The following GPC6 variants were observed in gnomAD, a reference collection of about 807,000 sequenced individuals.
The protein encoded by GPC6 is glypican 6.
Under a neutral mutation model 55.2 loss-of-function variants are expected in GPC6, and 14 were observed. The observed-to-expected ratio is 0.25, with a 90% CI of 0.17 to 0.40. The LOEUF (loss-of-function observed/expected upper bound fraction) is 0.40. GPC6 is among the 10% of genes least tolerant of loss of function. The pLI, the probability that GPC6 is intolerant of heterozygous loss-of-function variation, is 1.00. For missense variants in GPC6, 641 were observed against 708.5 expected (o/e 0.90, Z 1.08); for synonymous variants, 278 against 259.6 (o/e 1.07, Z -0.68).
chr13:94,134,235 T>C (rs1416903170), intron 4 of GPC6, among the ~76,000 whole-genome samples: 1 of 152,212 alleles, frequency 6.6e-6, no homozygotes, highest in East Asian at 1.9e-4. Flanking sequence ...AGAGCCTTAA[T>C]GATTGGGCAT....
At chr13:93,902,455 T>C (rs1876412728) in intron 3 of GPC6, among the ~76,000 whole-genome samples, 1 of 152,164 alleles carries the variant, frequency 6.6e-6, no homozygotes, top group Admixed American at 6.5e-5. Flanking sequence ...CATTCATCCA[T>C]TGGTGGACAG....
chr13:93,278,861 G>C (rs1877851495), intron 1 of GPC6, among the ~76,000 whole-genome samples: 1 of 152,054 alleles, frequency 6.6e-6, no homozygotes, highest in Non-Finnish European at 1.5e-5. Context: ...AACAAAAAAT[G>C]GGTAACTATG....
chr13:93,236,246 C>T (rs774222691), intron 1 of GPC6, among the ~76,000 whole-genome samples: 1 of 152,102 alleles, frequency 6.6e-6, no homozygotes, highest in South Asian at 2.1e-4. Flanking sequence ...TTTTAAATTT[C>T]AATAGCTTTA....
Position 94,133,432 on chromosome 13 carries a change from C to A in GPC6, c.877+105538C>A, listed in dbSNP as rs533065055. ...ACTTCCCACTTAAAAAATAAAAAAT[C>A]AAATTAAAAAATCAGAACAAACAGG... On this transcript the variant is annotated intron_variant, in intron 4 of 8. Transcript: ENST00000377047. Among the ~76,000 whole-genome samples, 4 of 151,972 alleles carry A rather than the reference C, an allele frequency of 2.6e-5. No individual in the cohort carries two copies. The East Asian group carries it at 7.7e-4, about 29-fold the overall frequency.
Position 93,740,243 on chromosome 13 carries a change from A to G in GPC6, c.320-89911A>G, listed in dbSNP as rs539070552. 5.8e-3 allele frequency among the ~76,000 whole-genome samples: 661 copies of G among 113,942 alleles called. 5 individuals are homozygous for G. The highest frequency in any genetic ancestry group is 8.3e-3 in the Non-Finnish European group (520 of 62,742). 74.8% of individuals were successfully genotyped at this position (113,942 alleles called of 152,430 possible). A position where few individuals can be genotyped will look rare whatever the true frequency, so the allele number is the denominator to read the frequency against. On this transcript the variant is annotated intron_variant, in intron 2 of 8. Coordinates refer to ENST00000377047, the MANE Select transcript of GPC6 (RefSeq NM_005708.5). ...TATTAATAATTTATTGTTGATATAC[A>G]TTTTGTTGAAAGTGTACTAAAGAAG...
chr13:93,383,420 T>C (rs772406643), intron 1 of GPC6, among the ~76,000 whole-genome samples: 20 of 152,138 alleles, frequency 1.3e-4, no homozygotes, highest in Admixed American at 3.9e-4. Flanking sequence ...TCTCGCCATG[T>C]TGCTAAGGCT....
chr13:94,357,359 CAG>C (rs566030271), intron 6 of GPC6, among the ~76,000 whole-genome samples: 33 of 152,282 alleles, frequency 2.2e-4, no homozygotes, highest in Admixed American at 1.4e-3. Context: ...CTCAGAGAGA[CAG>C]AGAGACCCCT....
rs551605708 is a variant in GPC6 at position 93,565,709 on chromosome 13, G to A, written c.319+20288G>A. Among the ~76,000 whole-genome samples, 310 of 152,148 alleles carry A rather than the reference G, an allele frequency of 2.0e-3. 2 individuals carry two copies. Among genetic ancestry groups the A allele is most frequent in the African/African-American group, 7.3e-3 (302 of 41,488 alleles). The stretch of plus-strand genomic sequence containing the variant: ...GAGGCTAAAGCAGGTGGATCACGAG[G>A]TCAAGAGTTCAAGACAAGCCTGACC... On this transcript the variant is annotated intron_variant, in intron 2 of 8. Coordinates refer to ENST00000377047, the MANE Select transcript of GPC6 (RefSeq NM_005708.5).
chr13:94,374,454 A>G (rs1879740400), intron 6 of GPC6, among the ~76,000 whole-genome samples: 1 of 147,726 alleles, frequency 6.8e-6, no homozygotes, highest in Non-Finnish European at 1.5e-5. Flanking sequence ...AACAAAGATC[A>G]AAAGAGACAA....
intron 1 of GPC6, among the ~76,000 whole-genome samples, chr13:93,272,437 T>G (rs557529659): frequency 6.7e-6 from 1 of 150,174 alleles, no homozygotes; most frequent in Admixed American, 6.6e-5. Context: ...GTGAAAAATT[T>G]TAAGCACTGA....
intron 3 of GPC6, among the ~76,000 whole-genome samples, chr13:93,885,586 C>G (rs1352193518): frequency 2.6e-5 from 4 of 152,046 alleles, no homozygotes; most frequent in African/African-American, 9.7e-5. Context: ...GTTTGCCTAT[C>G]TTGCGACAGA....
chr13:93,223,757 AAAAT>A (rs1875682652), upstream of GPC6, among the ~76,000 whole-genome samples: 1 of 151,892 alleles, frequency 6.6e-6, no homozygotes, highest in Admixed American at 6.6e-5. Context: ...ACACAATCTT[AAAAT>A]AAATATTTAG....
At chr13:93,438,360 G>A (rs1203483633) in intron 1 of GPC6, among the ~76,000 whole-genome samples, 6 of 152,138 alleles carry the variant, frequency 3.9e-5, no homozygotes, top group Admixed American at 3.9e-4. Context: ...TCTGGGCAAA[G>A]TCAATTGAAA....
chr13:93,721,308 C>A (rs1883447657), intron 2 of GPC6, among the ~76,000 whole-genome samples: 1 of 151,714 alleles, frequency 6.6e-6, no homozygotes, highest in South Asian at 2.1e-4. Context: ...TATGTAATGC[C>A]CTTCTTTGGC....
At chr13:93,292,059 T>C (rs1878336243) in intron 1 of GPC6, among the ~76,000 whole-genome samples, 1 of 152,206 alleles carries the variant, frequency 6.6e-6, no homozygotes, top group Admixed American at 6.5e-5. Context: ...TTCTAATTTG[T>C]AAATGAGGGT....
intron 1 of GPC6, among the ~76,000 whole-genome samples, chr13:93,414,855 C>T (rs888206488): frequency 6.6e-6 from 1 of 152,046 alleles, no homozygotes; most frequent in African/African-American, 2.4e-5. Context: ...TAAACTTAGT[C>T]CCACTTTTTG....
intron 4 of GPC6, among the ~76,000 whole-genome samples, chr13:94,081,051 G>T (rs1470442705): frequency 6.6e-6 from 1 of 152,124 alleles, no homozygotes; most frequent in Non-Finnish European, 1.5e-5. Flanking sequence ...AAGACCATGG[G>T]TGTCTGTGGT....
intron 1 of GPC6, among the ~76,000 whole-genome samples, chr13:93,428,521 A>G (rs992937387): frequency 7.2e-5 from 11 of 152,138 alleles, no homozygotes; most frequent in African/African-American, 2.4e-4. Flanking sequence ...AAGATTAAAA[A>G]CTTCTCTACT....
At chr13:94,034,227 A>AGGAG (rs1566315762) in intron 4 of GPC6, among the ~76,000 whole-genome samples, 2 of 150,690 alleles carry the variant, frequency 1.3e-5, no homozygotes, top group East Asian at 4.0e-4. Context: ...GAAGGAAGGA[A>AGGAG]GGAAGGAAGG....
Sources: gnomAD v4.1 joint callset for allele counts (sites outside exome capture counted in the v4.1 genomes callset) on GRCh38, gnomAD v4.1.1 for gene constraint, MANE v1.5 for transcripts, NCBI Gene and HGNC (gene_info 2026-07-23, HGNC 2026-07-21) for gene names.